Variants in CES4A observed in about 807,000 individuals in gnomAD.
CES4A encodes carboxylesterase 6.
In CES4A, 48 loss-of-function variants were observed where a neutral mutation model predicts 65.4. The observed-to-expected ratio is 0.73, with a 90% confidence interval of 0.58 to 0.93. The LOEUF is 0.93. Ranked by LOEUF, CES4A falls within the 40% of genes least tolerant of loss-of-function variation. The pLI, the probability that CES4A is intolerant of heterozygous loss-of-function variation, is 0.00. For synonymous variants in CES4A, 247 were observed against 281.8 expected (o/e 0.88, Z 1.24); for missense variants, 685 against 728.5 (o/e 0.94, Z 0.69).
Position 67,001,796 on chromosome 16 carries a change from G to A in CES4A, c.690+335G>A, listed in dbSNP as rs1965381034. Among the ~76,000 whole-genome samples, 1 of 152,250 alleles carries A rather than the reference G, an allele frequency of 6.6e-6. No homozygotes were observed. The stretch of plus-strand genomic sequence containing the variant: ...AGCCCACCATCTGCCCCCTGGGCAA[G>A]GCTAGGACCTCACACCAGGCCTGCA... On this transcript the variant is annotated intron_variant, in intron 5 of 13. Coordinates refer to ENST00000648724, the Ensembl canonical transcript of CES4A. The surrounding 1 kb of genome is among the most constrained non-coding windows in gnomAD (Gnocchi z 4.1).
intron 9 of CES4A, among the ~76,000 whole-genome samples, 188 bp downstream of exon 9, chr16:67,004,412 G>A (rs1293393906): frequency 1.3e-5 from 2 of 152,202 alleles, no homozygotes; most frequent in Non-Finnish European, 2.9e-5. Flanking sequence ...ATGATGGAGG[G>A]GAAGAAGGGA....
chr16:66,992,634 G>A (rs553997029), intron 1 of CES4A, among the ~76,000 whole-genome samples: 4 of 152,226 alleles, frequency 2.6e-5, no homozygotes, highest in East Asian at 1.9e-4. Context: ...CCATAGGACC[G>A]GAGCACAGAA....
chr16:67,000,499 A>ACGCACACGCACGCACATG lies in CES4A; in HGVS notation c.261-133_261-116dup. The ACGCACACGCACGCACATG allele has an allele frequency of 7.0e-7, 1 of 1,437,216 alleles. No individual in the cohort carries two copies. Among genetic ancestry groups the ACGCACACGCACGCACATG allele is most frequent in the Non-Finnish European group, 9.1e-7 (1 of 1,096,140 alleles). The allele number at this position is 1,437,216 out of a possible 1,614,324, so 89.0% of individuals were successfully genotyped here. ...CGGGGCTGGCGGAGGCCTCCTGTAC[A>ACGCACACGCACGCACATG]CGCACACGCACGCACATGCGCACGC... On this transcript the variant is annotated intron_variant, in intron 2 of 13. Coordinates refer to ENST00000648724, the Ensembl canonical transcript of CES4A. This position sits in a 1 kb window ranked among gnomAD's most constrained non-coding sequence, Gnocchi z 4.2.
chr16:67,007,195 G>C (rs932218452), intron 13 of CES4A: 1 of 200,722 alleles, frequency 5.0e-6, no homozygotes, highest in African/African-American at 2.3e-5. Flanking sequence ...AGCTGTACTG[G>C]GGGAGCACAA....
intron 11 of CES4A, 67 bp from the exon 12 acceptor site, chr16:67,006,324 C>T: frequency 1.3e-6 from 2 of 1,516,094 alleles, no homozygotes; most frequent in Non-Finnish European, 1.8e-6. Flanking sequence ...GAGTGGGAGG[C>T]ATGGGGTGGA....
rs368500219 is a variant in CES4A at position 67,003,928 on chromosome 16, T to G, written c.940-156T>G. On this transcript the variant is annotated intron_variant, in intron 8 of 13. Transcript: ENST00000648724. The surrounding 1 kb of genome is among the most constrained non-coding windows in gnomAD (Gnocchi z 4.2). ...TTTGGTCCTGCCTATCCTGCTCCCC[T>G]CCCACACCCATCCTCCTGGGGCTCA... 6.6e-6 allele frequency among the ~76,000 whole-genome samples: 1 copy of G among 152,088 alleles called. No individual in the cohort carries two copies. Among genetic ancestry groups the G allele is most frequent in the African/African-American group, 2.4e-5 (1 of 41,402 alleles).
In CES4A at chr16:67,001,229, G is replaced by A; in HGVS notation, c.537-79G>A. On this transcript the variant is annotated intron_variant, in intron 4 of 13. Coordinates refer to ENST00000648724, the Ensembl canonical transcript of CES4A. This position sits in a 1 kb window ranked among gnomAD's most constrained non-coding sequence, Gnocchi z 4.1. ...TTAGAGGGGCAAGGCTGGGCTGGGT[G>A]GGGGAAGCCCAGGAGGGCAGCCCAA... The A allele has an allele frequency of 1.4e-6, 2 of 1,468,446 alleles. No individual in the cohort carries two copies. The highest frequency in any genetic ancestry group is 1.4e-5 in the African/African-American group (1 of 71,386). The allele number at this position is 1,468,446 out of a possible 1,614,324, so 91.0% of individuals were successfully genotyped here. A position where few individuals can be genotyped will look rare whatever the true frequency, so the allele number is the denominator to read the frequency against.
rs181090965 is a variant in CES4A at position 66,995,837 on chromosome 16, T to G, written c.260+8T>G. ...TACCACCTACCCGCCTGGGTAAGAG[T>G]CAGAGGCCTGTCCACTGGGAGGGGG... On this transcript the variant is annotated splice_region_variant and intron_variant, in intron 2 of 13. Coordinates refer to ENST00000648724, the Ensembl canonical transcript of CES4A. The G allele has an allele frequency of 6.2e-7, 1 of 1,611,890 alleles. No homozygotes were observed. Among genetic ancestry groups the G allele is most frequent in the Non-Finnish European group, 8.5e-7 (1 of 1,179,178 alleles).
chr16:67,004,306 G>T (rs1433850731), intron 9 of CES4A, 82 bp downstream of exon 9: 1 of 1,505,340 alleles, frequency 6.6e-7, no homozygotes, highest in Non-Finnish European at 9.1e-7. Context: ...CCTCTTGGAC[G>T]GTGCTGGGCA....
In CES4A at chr16:66,994,666, C is replaced by A. The variant is rs1392232568; in HGVS notation, c.59-962C>A. 1.2e-3 allele frequency among the ~76,000 whole-genome samples: 176 copies of A among 143,606 alleles called. 1 individual carries two copies. The highest frequency in any genetic ancestry group is 4.1e-3 in the African/African-American group (160 of 39,054). The allele number at this position is 143,606 out of a possible 152,430, so 94.2% of individuals were successfully genotyped here. On this transcript the variant is annotated intron_variant, in intron 1 of 13. Transcript: ENST00000648724. Reference sequence around the variant, plus strand: ...ACCATCCTGGCTAGTACGGTGAAACCCCATCTCTACTAAAAATACAAAATT... The same window carrying A: ...ACCATCCTGGCTAGTACGGTGAAACACCATCTCTACTAAAAATACAAAATT...
chr16:66,998,411 G>A (rs1332244935), intron 2 of CES4A, among the ~76,000 whole-genome samples: 1 of 152,140 alleles, frequency 6.6e-6, no homozygotes, highest in East Asian at 1.9e-4. Context: ...GCAACATAGT[G>A]AGACCCTGTC....
At chr16:67,009,312 G>A in exon 14 of CES4A, 1 of 615,176 alleles carries the variant, frequency 1.6e-6, no homozygotes. Flanking sequence ...CTGTTGTGTG[G>A]GACCTGCACT....
chr16:66,993,993 C>T (rs1277715261), intron 1 of CES4A, among the ~76,000 whole-genome samples: 1 of 150,582 alleles, frequency 6.6e-6, no homozygotes, highest in East Asian at 2.1e-4. Context: ...CCCAGCTACT[C>T]GGGAGGCTGA....
chr16:66,994,617 G>A (rs370054116), intron 1 of CES4A, among the ~76,000 whole-genome samples: 50 of 148,056 alleles, frequency 3.4e-4, no homozygotes, highest in Admixed American at 1.2e-3. Context: ...CAAGGCGGGC[G>A]GATCACGAGG....
chr16:66,988,605 G>T, exon 1 of CES4A: 1 of 1,381,238 alleles, frequency 7.2e-7, no homozygotes, highest in Non-Finnish European at 9.7e-7. Context: ...AAGGCTGTGG[G>T]CTGGTCAGAA....
In CES4A at chr16:67,003,151, A is replaced by G; in HGVS notation, c.772A>G (p.Ser258Gly). The G allele has an allele frequency of 6.2e-7, 1 of 1,613,894 alleles. No homozygotes were observed. Among genetic ancestry groups the G allele is most frequent in the Non-Finnish European group, 8.5e-7 (1 of 1,179,926 alleles). The change falls in exon 6 of 14, where the codon AGT becomes GGT. Residue 258 changes from serine to glycine, a missense_variant. Transcript: ENST00000648724. The surrounding 1 kb of genome is among the most constrained non-coding windows in gnomAD (Gnocchi z 4.2). ...CGCGTTATTCAGACTTTTCATCACTAGTAACCCACTGAAAGTGGCCAAGGT... is the reference window on the plus strand; with the variant it reads ...CGCGTTATTCAGACTTTTCATCACTGGTAACCCACTGAAAGTGGCCAAGGT...
At position 67,000,128 on chromosome 16, in the gene CES4A, A is replaced by C. The variant is rs1965165165; in HGVS notation, c.261-510A>C. On this transcript the variant is annotated intron_variant, in intron 2 of 13. Transcript: ENST00000648724. This position sits in a 1 kb window ranked among gnomAD's most constrained non-coding sequence, Gnocchi z 4.2. ...TTTTATTGATATATCATAGTTGTAC[A>C]TATTAGGGAAGATATGAAGAAGAGG... 6.6e-6 allele frequency among the ~76,000 whole-genome samples: 1 copy of C among 152,188 alleles called. No homozygotes were observed. The highest frequency in any genetic ancestry group is 1.5e-5 in the Non-Finnish European group (1 of 68,034).
chr16:67,006,358 T>C, intron 11 of CES4A, 33 bp from the exon 12 acceptor site: 2 of 1,536,164 alleles, frequency 1.3e-6, no homozygotes, highest in Non-Finnish European at 1.7e-6. Flanking sequence ...CAGAGGCTTT[T>C]CCTGCATCCC....
chr16:66,994,544 T>G (rs1964659643), intron 1 of CES4A, among the ~76,000 whole-genome samples: 1 of 150,938 alleles, frequency 6.6e-6, no homozygotes, highest in Non-Finnish European at 1.5e-5. Flanking sequence ...TGATAGGGAT[T>G]TGAAATGTTA....
Sources: gnomAD v4.1 joint callset for allele counts (sites outside exome capture counted in the v4.1 genomes callset) on GRCh38, gnomAD v4.1.1 for gene constraint, Gnocchi (gnomAD v3.1) non-coding constraint, MANE v1.5 for transcripts, NCBI Gene and HGNC (gene_info 2026-07-23, HGNC 2026-07-21) for gene names.